Variants in MAMDC2 observed in about 807,000 individuals in gnomAD.
MAMDC2 encodes MAM domain-containing protein 2.
Under a neutral mutation model 89.8 loss-of-function variants are expected in MAMDC2, and 57 were observed. The observed-to-expected ratio is 0.63, with a 90% CI of 0.51 to 0.79. The LOEUF is 0.79. Ranked by LOEUF, MAMDC2 falls within the 30% of genes least tolerant of loss-of-function variation. The probability of loss-of-function intolerance (pLI) is 0.00; values close to 1 mark genes in which losing one functional copy is unlikely to be tolerated. For synonymous variants in MAMDC2, 313 were observed against 293.4 expected, an observed-to-expected ratio of 1.07 and a Z score of -0.68; for missense variants, 800 against 820.6, an observed-to-expected ratio of 0.97 and a Z score of 0.31.
intron 5 of MAMDC2, among the ~76,000 whole-genome samples, chr9:70,118,042 G>A (rs1320673068): frequency 6.6e-6 from 1 of 152,148 alleles, no homozygotes; most frequent in Non-Finnish European, 1.5e-5. Flanking sequence ...AGATGCATAA[G>A]GGGGAGACAA....
At chr9:70,107,383 G>A (rs923483577) in intron 2 of MAMDC2, among the ~76,000 whole-genome samples, 5 of 152,002 alleles carry the variant, frequency 3.3e-5, no homozygotes, top group Non-Finnish European at 5.9e-5. Context: ...GGAGAAGGAC[G>A]GGGAAAGGGG....
At chr9:70,147,191 G>C (rs1390485797) in intron 9 of MAMDC2, among the ~76,000 whole-genome samples, 1 of 150,218 alleles carries the variant, frequency 6.7e-6, no homozygotes, top group Non-Finnish European at 1.5e-5. Context: ...CCAGGAGGTG[G>C]AGGTTGCAGT....
In MAMDC2 at chr9:70,183,314, T is replaced by G. The variant is rs2032682885; in HGVS notation, c.1651+12683T>G. 2.0e-5 allele frequency among the ~76,000 whole-genome samples: 3 copies of G among 152,218 alleles called. No individual in the cohort carries two copies. In the South Asian group the frequency reaches 6.2e-4, roughly 31 times the overall value. On this transcript the variant is annotated intron_variant, in intron 11 of 13. Coordinates refer to ENST00000377182, the MANE Select transcript of MAMDC2 (RefSeq NM_153267.5). ...AAGTGCGATGTGTTGCTGAGAAGAA[T>G]GTATATTCTCCTGATTTGGGGTGGA... is the stretch of plus-strand genomic sequence containing the variant.
Position 70,059,020 on chromosome 9 carries a change from G to T in MAMDC2, c.148+14323G>T, listed in dbSNP as rs377185854. Among the ~76,000 whole-genome samples the T allele has an allele frequency of 4.6e-5, 7 of 152,172 alleles. No individual in the cohort carries two copies. The South Asian group carries it at 1.4e-3, about 32-fold the overall frequency. On this transcript the variant is annotated intron_variant, in intron 2 of 13. Coordinates refer to ENST00000377182, the MANE Select transcript of MAMDC2 (RefSeq NM_153267.5). ...TACATTCTCTGGACAAATTCCAGTA[G>T]AACTATGTTTCTTGATCATCTTGAT... is the stretch of plus-strand genomic sequence containing the variant.
intron 2 of MAMDC2, chr9:70,086,399 C>T (rs1158435816): frequency 1.3e-5 from 2 of 152,082 alleles, no homozygotes; most frequent in Non-Finnish European, 2.9e-5. Context: ...GAAACAAGTG[C>T]TCTTTGTTTT....
intron 2 of MAMDC2, among the ~76,000 whole-genome samples, chr9:70,073,825 C>T (rs975373795): frequency 1.3e-5 from 2 of 152,154 alleles, no homozygotes; most frequent in African/African-American, 4.8e-5. Flanking sequence ...GTGTCTTATC[C>T]ATGTTTGTCT....
At position 70,124,179 on chromosome 9, in the gene MAMDC2, G is replaced by A. The variant is rs546862653; in HGVS notation, c.644-1980G>A. Among the ~76,000 whole-genome samples the A allele has an allele frequency of 2.6e-5, 4 of 152,226 alleles. No individual in the cohort carries two copies. The South Asian group carries it at 6.2e-4, about 24-fold the overall frequency. On this transcript the variant is annotated intron_variant, in intron 5 of 13. Transcript: ENST00000377182. ...GGGCCAGGCTTCTCACCCCAAGCCG[G>A]TTATTGCCGCATAAGAATATGGGCC...
chr9:70,128,187 C>T (rs2030646413), intron 6 of MAMDC2, among the ~76,000 whole-genome samples: 2 of 152,188 alleles, frequency 1.3e-5, no homozygotes, highest in Non-Finnish European at 2.9e-5. Flanking sequence ...GGAAAACAAA[C>T]ATTGGAGACT....
chr9:70,203,312 T>C (rs1174343647), intron 11 of MAMDC2, among the ~76,000 whole-genome samples: 2 of 150,538 alleles, frequency 1.3e-5, no homozygotes, highest in East Asian at 2.0e-4. Flanking sequence ...CCTTCACTTA[T>C]GAAGCTTAGT....
chr9:70,211,860 A>G (rs1347227670), intron 11 of MAMDC2, among the ~76,000 whole-genome samples: 3 of 152,192 alleles, frequency 2.0e-5, no homozygotes. Context: ...AGGACCCTCA[A>G]CTGCAGGTCT....
chr9:70,213,517 G>GT (rs2033394587), intron 11 of MAMDC2, among the ~76,000 whole-genome samples: 1 of 152,100 alleles, frequency 6.6e-6, no homozygotes, highest in South Asian at 2.1e-4. Context: ...TTTGTACATA[G>GT]TTAGGTGATA....
chr9:70,209,067 A>C (rs375498790), intron 11 of MAMDC2, among the ~76,000 whole-genome samples: 1 of 152,202 alleles, frequency 6.6e-6, no homozygotes, highest in Non-Finnish European at 1.5e-5. Flanking sequence ...GTCGATGTTC[A>C]TCAGGGATAT....
chr9:70,133,011 T>C (rs2030867027), intron 7 of MAMDC2, among the ~76,000 whole-genome samples: 1 of 152,226 alleles, frequency 6.6e-6, no homozygotes, highest in Non-Finnish European at 1.5e-5. Context: ...TAAAAGAGTC[T>C]CTAAATTTGA....
At chr9:70,188,653 C>T (rs2032810350) in intron 11 of MAMDC2, 1 of 151,548 alleles carries the variant, frequency 6.6e-6, no homozygotes, top group Admixed American at 6.6e-5. Context: ...CTCCAAAAAC[C>T]CATTTAATAT....
chr9:70,088,211 G>T (rs140102032), intron 2 of MAMDC2: 3 of 152,190 alleles, frequency 2.0e-5, no homozygotes, highest in African/African-American at 7.2e-5. Flanking sequence ...GTCATCTCAG[G>T]TATGCACTAT....
intron 9 of MAMDC2, among the ~76,000 whole-genome samples, chr9:70,149,767 T>C (rs961771464): frequency 9.9e-5 from 15 of 152,116 alleles, no homozygotes; most frequent in East Asian, 5.8e-4. Context: ...ACATCCAACA[T>C]AGAGAACTAT....
intron 12 of MAMDC2, among the ~76,000 whole-genome samples, chr9:70,222,360 T>C (rs1253013568): frequency 1.3e-5 from 2 of 152,132 alleles, no homozygotes; most frequent in Admixed American, 6.5e-5. Flanking sequence ...TAATAGGATA[T>C]GAGATGAGTT....
intron 11 of MAMDC2, among the ~76,000 whole-genome samples, chr9:70,213,187 T>C (rs970070260): frequency 6.6e-6 from 1 of 152,206 alleles, no homozygotes; most frequent in Non-Finnish European, 1.5e-5. Context: ...TCTTAGGTCA[T>C]CTCTCTCATG....
chr9:70,136,531 C>T (rs1270577352), intron 7 of MAMDC2, among the ~76,000 whole-genome samples: 1 of 152,110 alleles, frequency 6.6e-6, no homozygotes, highest in African/African-American at 2.4e-5. Context: ...CCTTCCACCC[C>T]CTCCCACACA....
Sources: gnomAD v4.1 joint callset for allele counts (sites outside exome capture counted in the v4.1 genomes callset) on GRCh38, gnomAD v4.1.1 for gene constraint, MANE v1.5 for transcripts, NCBI Gene and HGNC (gene_info 2026-07-23, HGNC 2026-07-21) for gene names.